Variants in TCF12 observed in about 807,000 individuals in gnomAD.
The protein encoded by TCF12 is DNA-binding protein HTF4.
A neutral mutation model predicts 86.0 loss-of-function variants in TCF12; 45 were observed. That is an observed-to-expected ratio of 0.52 (90% CI 0.41 to 0.67). The LOEUF (loss-of-function observed/expected upper bound fraction) is 0.67. Among genes scored for constraint, TCF12 ranks in the 30% least tolerant of loss-of-function variants. TCF12 has a pLI of 0.00. For synonymous variants in TCF12, 330 were observed against 299.6 expected (o/e 1.10, Z -1.05); for missense variants, 881 against 859.9 (o/e 1.02, Z -0.31).
chr15:57,256,140 CCTT>C (rs1238529975), intron 16 of TCF12, among the ~76,000 whole-genome samples: 1 of 152,200 alleles, frequency 6.6e-6, no homozygotes, highest in Non-Finnish European at 1.5e-5. Context: ...CATCTCCTGT[CCTT>C]CTGAAGTAAG....
At position 57,263,148 on chromosome 15, in the gene TCF12, C is replaced by T. The variant is rs760341790; in HGVS notation, c.1619C>T (p.Thr540Ile). 1.1e-5 allele frequency: 18 copies of T among 1,612,244 alleles called. No homozygotes were observed. The Admixed American group carries it at 1.8e-4, about 17-fold the overall frequency. ...AGTCAGTCTGGAACTGTTGTTACAA[C>T]AGAAATCAAGACTGAAAACAAAGAA... is the stretch of plus-strand genomic sequence containing the variant. ...LQSQSGTVVTTEIKTENKEKD... is the reference protein window; with the variant it reads ...LQSQSGTVVTIEIKTENKEKD... The change falls in exon 18 of 21, where the codon ACA (threonine) becomes ATA (isoleucine). Residue 540 changes from threonine to isoleucine, a missense_variant. Transcript: ENST00000333725.
chr15:57,281,518 G>A (rs571044096), intron 19 of TCF12: 7 of 152,212 alleles, frequency 4.6e-5, no homozygotes, highest in Non-Finnish European at 8.8e-5. Context: ...TGGCTGCACC[G>A]CAGGAGGTGA....
intron 5 of TCF12, among the ~76,000 whole-genome samples, chr15:57,119,031 G>A (rs1342829050): frequency 6.6e-6 from 1 of 152,028 alleles, no homozygotes; most frequent in Non-Finnish European, 1.5e-5. Flanking sequence ...TACTGTGATA[G>A]GTTAGTCATG....
chr15:57,045,626 G>A (rs911366492), intron 3 of TCF12, among the ~76,000 whole-genome samples: 1 of 152,034 alleles, frequency 6.6e-6, no homozygotes, highest in Non-Finnish European at 1.5e-5. Context: ...GCTCACTGCA[G>A]CTTCTACCTC....
chr15:57,052,131 C>T (rs1287379449), intron 3 of TCF12, among the ~76,000 whole-genome samples: 1 of 152,134 alleles, frequency 6.6e-6, no homozygotes, highest in Non-Finnish European at 1.5e-5. Context: ...TTAATTTTTG[C>T]TTACATATGT....
intron 5 of TCF12, among the ~76,000 whole-genome samples, chr15:57,112,732 T>G (rs2050578490): frequency 6.6e-6 from 1 of 152,188 alleles, no homozygotes; most frequent in South Asian, 2.1e-4. Context: ...CTAAACACTG[T>G]GCTTAAGAGT....
intron 3 of TCF12, among the ~76,000 whole-genome samples, chr15:56,967,567 G>A (rs748119213): frequency 6.6e-6 from 1 of 152,138 alleles, no homozygotes; most frequent in Non-Finnish European, 1.5e-5. Flanking sequence ...GCCAAGGACC[G>A]GATGTACTTC....
chr15:57,094,029 C>T (rs1399952305), intron 5 of TCF12, among the ~76,000 whole-genome samples: 1 of 152,150 alleles, frequency 6.6e-6, no homozygotes, highest in Non-Finnish European at 1.5e-5. Flanking sequence ...TGTCCTCCTT[C>T]CTTAGCACAA....
intron 3 of TCF12, among the ~76,000 whole-genome samples, chr15:57,033,016 T>G (rs2066295561): frequency 6.6e-6 from 1 of 151,978 alleles, no homozygotes; most frequent in Non-Finnish European, 1.5e-5. Flanking sequence ...ATTTTAGAAC[T>G]AAAAGAGCAA....
At chr15:57,030,381 G>C (rs2066092693) in intron 3 of TCF12, among the ~76,000 whole-genome samples, 2 of 152,220 alleles carry the variant, frequency 1.3e-5, no homozygotes, top group South Asian at 4.1e-4. Flanking sequence ...TGGGACCACA[G>C]GTGCAAGCCA....
intron 3 of TCF12, among the ~76,000 whole-genome samples, chr15:57,058,182 T>C (rs758977272): frequency 5.2e-4 from 79 of 152,284 alleles, no homozygotes; most frequent in Middle Eastern, 3.4e-3. Flanking sequence ...ACGTATTACT[T>C]TCAATTCCTG....
intron 3 of TCF12, among the ~76,000 whole-genome samples, chr15:57,061,988 G>C (rs1163371795): frequency 6.6e-6 from 1 of 151,412 alleles, no homozygotes; most frequent in East Asian, 1.9e-4. Flanking sequence ...ATGGAGTCTT[G>C]CTCTGTCACC....
At chr15:57,092,613 T>TG (rs544846126) in intron 5 of TCF12, among the ~76,000 whole-genome samples, 111 of 152,320 alleles carry the variant, frequency 7.3e-4, no homozygotes, top group Non-Finnish European at 1.1e-3. Flanking sequence ...CCATTTTTTT[T>TG]TGTGTAAATA....
chr15:56,925,205 A>G (rs2140210155), intron 3 of TCF12, among the ~76,000 whole-genome samples: 1 of 150,518 alleles, frequency 6.6e-6, no homozygotes, highest in East Asian at 1.9e-4. Flanking sequence ...CTGTCTCCAA[A>G]AACAAAAAAA....
intron 8 of TCF12, among the ~76,000 whole-genome samples, chr15:57,221,209 G>GC (rs1468035780): frequency 6.6e-6 from 1 of 152,150 alleles, no homozygotes; most frequent in Non-Finnish European, 1.5e-5. Context: ...TGTTCAAGCT[G>GC]CCCATATAAG....
chr15:57,170,902 A>G (rs1182830234), intron 6 of TCF12, among the ~76,000 whole-genome samples: 2 of 141,584 alleles, frequency 1.4e-5, no homozygotes, highest in Non-Finnish European at 3.0e-5. Context: ...TCATCCTGAC[A>G]AAGTGCTGTG....
intron 3 of TCF12, among the ~76,000 whole-genome samples, chr15:57,024,754 T>C (rs2065718405): frequency 6.6e-6 from 1 of 152,188 alleles, no homozygotes; most frequent in Admixed American, 6.5e-5. Context: ...TGCCAATCAG[T>C]AATATTGGCA....
At chr15:57,121,865 A>G (rs1174406792) in intron 5 of TCF12, among the ~76,000 whole-genome samples, 3 of 152,182 alleles carry the variant, frequency 2.0e-5, no homozygotes, top group African/African-American at 7.2e-5. Flanking sequence ...TGTTCCTGGA[A>G]TTCTTGGGGA....
At chr15:57,093,270 G>A (rs1278677419) in intron 5 of TCF12, among the ~76,000 whole-genome samples, 2 of 152,128 alleles carry the variant, frequency 1.3e-5, no homozygotes, top group African/African-American at 4.8e-5. Context: ...TGCCATCAAA[G>A]TAAAATCGAT....
Sources: gnomAD v4.1 joint callset for allele counts (sites outside exome capture counted in the v4.1 genomes callset) on GRCh38, gnomAD v4.1.1 for gene constraint, MANE v1.5 for transcripts, NCBI Gene and HGNC (gene_info 2026-07-23, HGNC 2026-07-21) for gene names.